The following CSMD1 variants were observed in gnomAD, a reference collection of about 807,000 sequenced individuals.
CSMD1 encodes the protein CUB and Sushi multiple domains 1, also known as CUB and sushi domain-containing protein 1.
A neutral mutation model predicts 417.5 loss-of-function variants in CSMD1; 213 were observed. The ratio of observed to expected loss-of-function variants is 0.51; its 90% confidence interval spans 0.46 to 0.57. The LOEUF (loss-of-function observed/expected upper bound fraction) is 0.57, where lower values mean the gene tolerates loss of function less well. Ranked by LOEUF, CSMD1 falls within the 20% of genes least tolerant of loss-of-function variation. The pLI is 0.00. For missense variants in CSMD1, 6,923 were observed against 4,529.7 expected, an observed-to-expected ratio of 1.53 and a Z score of -15.17; for synonymous variants, 2,862 against 1,736.8, an observed-to-expected ratio of 1.65 and a Z score of -16.11.
chr8:3,376,383 T>C (rs552997740), intron 18 of CSMD1, among the ~76,000 whole-genome samples: 2 of 152,208 alleles, frequency 1.3e-5, no homozygotes, highest in Non-Finnish European at 2.9e-5. Flanking sequence ...TTATATCTCA[T>C]GGTGACACAG....
At chr8:3,192,826 T>A (rs558639045) in intron 33 of CSMD1, among the ~76,000 whole-genome samples, 3 of 152,196 alleles carry the variant, frequency 2.0e-5, no homozygotes, top group African/African-American at 7.2e-5. Flanking sequence ...ATTTTGAATT[T>A]TGGATATTCA....
intron 2 of CSMD1, among the ~76,000 whole-genome samples, chr8:4,601,016 G>C (rs955416706): frequency 1.3e-5 from 2 of 150,742 alleles, no homozygotes; most frequent in Non-Finnish European, 2.9e-5. Context: ...GAGTGCAACG[G>C]TGCCATCTCG....
chr8:4,773,726 C>T (rs1406639947), intron 1 of CSMD1, among the ~76,000 whole-genome samples: 2 of 152,130 alleles, frequency 1.3e-5, no homozygotes, highest in Admixed American at 6.5e-5. Flanking sequence ...TTATGATGAA[C>T]ATTACCCATT....
chr8:3,303,054 G>T (rs943034379), intron 25 of CSMD1, among the ~76,000 whole-genome samples: 1 of 152,236 alleles, frequency 6.6e-6, no homozygotes, highest in East Asian at 1.9e-4. Flanking sequence ...TTTACTTCAT[G>T]GCTGAAATTA....
chr8:3,597,482 T>C (rs577996396), intron 8 of CSMD1, among the ~76,000 whole-genome samples: 3 of 152,238 alleles, frequency 2.0e-5, no homozygotes, highest in Admixed American at 1.3e-4. Context: ...GGCTATTAAA[T>C]AGTTGTAAAT....
chr8:3,015,976 C>T (rs1304838103), intron 52 of CSMD1, among the ~76,000 whole-genome samples: 1 of 152,162 alleles, frequency 6.6e-6, no homozygotes, highest in Non-Finnish European at 1.5e-5. Context: ...GCTCATTTCA[C>T]TTCTAGTTAA....
At chr8:3,993,264 G>C (rs1216428870) in intron 5 of CSMD1, among the ~76,000 whole-genome samples, 2 of 152,130 alleles carry the variant, frequency 1.3e-5, no homozygotes, top group Non-Finnish European at 2.9e-5. Context: ...CATGAGGAGG[G>C]AGAACATGAT....
intron 7 of CSMD1, among the ~76,000 whole-genome samples, chr8:3,670,911 G>T (rs942465209): frequency 6.7e-6 from 1 of 148,548 alleles, no homozygotes; most frequent in Non-Finnish European, 1.5e-5. Context: ...ATATGTATAT[G>T]GGATATATAT....
intron 5 of CSMD1, among the ~76,000 whole-genome samples, chr8:3,799,880 C>T (rs573685627): frequency 1.1e-4 from 16 of 152,264 alleles, no homozygotes; most frequent in South Asian, 1.0e-3. Flanking sequence ...AGCTACATTG[C>T]TGACTTGCTA....
intron 3 of CSMD1, among the ~76,000 whole-genome samples, chr8:4,265,297 T>G (rs1032122022): frequency 6.6e-6 from 1 of 152,044 alleles, no homozygotes; most frequent in Non-Finnish European, 1.5e-5. Flanking sequence ...AATAGTGAGA[T>G]TAAAAACATA....
At chr8:4,777,166 T>G (rs563333784) in intron 1 of CSMD1, among the ~76,000 whole-genome samples, 6 of 152,298 alleles carry the variant, frequency 3.9e-5, no homozygotes, top group Admixed American at 1.3e-4. Context: ...CACAGTCCAT[T>G]TCAACTTCCT....
intron 1 of CSMD1, among the ~76,000 whole-genome samples, chr8:4,713,133 G>A (rs1564181): frequency 0.88 from 134,577 of 152,194 alleles, 59,572 homozygotes; most frequent in East Asian, 0.98. Context: ...ATTGCCACTA[G>A]GACCTCTATT....
intron 5 of CSMD1, among the ~76,000 whole-genome samples, chr8:3,940,138 A>G (rs1490152822): frequency 1.3e-5 from 2 of 152,178 alleles, no homozygotes; most frequent in African/African-American, 4.8e-5. Context: ...GTACTACTAT[A>G]CAAGTTATTT....
chr8:4,090,332 A>C (rs1184878115), intron 3 of CSMD1, among the ~76,000 whole-genome samples: 2 of 152,226 alleles, frequency 1.3e-5, no homozygotes, highest in African/African-American at 2.4e-5. Context: ...AACATTAAAC[A>C]TGAGTCATTA....
intron 5 of CSMD1, among the ~76,000 whole-genome samples, chr8:3,770,206 T>C (rs1167878136): frequency 6.6e-6 from 1 of 152,208 alleles, no homozygotes. Context: ...GAAACATTTC[T>C]ACACATGGCT....
At chr8:3,633,209 A>T (rs193070173) in intron 7 of CSMD1, among the ~76,000 whole-genome samples, 1 of 152,346 alleles carries the variant, frequency 6.6e-6, no homozygotes, top group Non-Finnish European at 1.5e-5. Context: ...ACTCAAATAA[A>T]ACATAACTTA....
chr8:4,325,403 C>T (rs2036550), intron 3 of CSMD1, among the ~76,000 whole-genome samples: 98,204 of 151,978 alleles, frequency 0.65, 32,370 homozygotes, highest in African/African-American at 0.77. Context: ...CTGTGATCTG[C>T]CTTAGAAGGA....
At chr8:4,382,710 CTTCT>C (rs1276391883) in intron 3 of CSMD1, among the ~76,000 whole-genome samples, 4 of 151,300 alleles carry the variant, frequency 2.6e-5, no homozygotes, top group South Asian at 4.3e-4. Flanking sequence ...AATTTACTGG[CTTCT>C]TTGTTTTTAA....
At chr8:4,624,253 CA>C (rs1268347971) in intron 2 of CSMD1, among the ~76,000 whole-genome samples, 2 of 152,124 alleles carry the variant, frequency 1.3e-5, no homozygotes, top group Non-Finnish European at 2.9e-5. Flanking sequence ...TCCGGTAGAT[CA>C]AACCATACCA....
Sources: allele counts gnomAD v4.1 joint callset (sites outside exome capture counted in the v4.1 genomes callset), GRCh38; gene constraint gnomAD v4.1.1; transcripts MANE v1.5; gene names NCBI Gene and HGNC (gene_info 2026-07-23, HGNC 2026-07-21).